The following SLC17A8 variants were observed in gnomAD, a reference collection of about 807,000 sequenced individuals.
SLC17A8 encodes the protein vesicular glutamate transporter 3.
SLC17A8 carries 31 observed loss-of-function variants against 58.0 expected under a neutral mutation model. The ratio of observed to expected loss-of-function variants is 0.53; its 90% CI spans 0.40 to 0.72. The LOEUF is 0.72. SLC17A8 is among the 30% of genes least tolerant of loss of function. The probability of loss-of-function intolerance (pLI) is 0.00; values close to 1 mark genes in which losing one functional copy is unlikely to be tolerated. For synonymous variants in SLC17A8, 228 were observed against 249.0 expected (o/e 0.92, Z 0.79); for missense variants, 655 against 727.8 (o/e 0.90, Z 1.15).
In SLC17A8 at chr12:100,421,645, A is replaced by G. The variant is rs886048797; in HGVS notation, c.*1486A>G. On this transcript the variant is annotated 3_prime_UTR_variant, in exon 12 of 12. Transcript: ENST00000323346. ...AAAATTATAGATTTACTTGTAGCTT[A>G]TTATTGTAAAGTGTTTTTTTTTTTT... The G allele has an allele frequency of 4.8e-5, 6 of 123,786 alleles. No homozygotes were observed. The highest frequency in any genetic ancestry group is 9.9e-5 in the Non-Finnish European group (6 of 60,794). 7.7% of individuals were successfully genotyped at this position (123,786 alleles called of 1,614,324 possible).
Position 100,390,992 on chromosome 12 carries a change from C to G in SLC17A8, c.355-9C>G. On this transcript the variant is annotated splice_polypyrimidine_tract_variant and intron_variant, in intron 2 of 11. Transcript: ENST00000323346. ...ACAAACACAACTATATCTGATTTCT[C>G]ATTTCCAGACAGCACAGTTTAACTG... 1.3e-6 allele frequency: 2 copies of G among 1,582,492 alleles called. No individual in the cohort carries two copies. Among genetic ancestry groups the G allele is most frequent in the Non-Finnish European group, 1.7e-6 (2 of 1,151,214 alleles).
chr12:100,382,133 A>G (rs956607904), intron 2 of SLC17A8, among the ~76,000 whole-genome samples: 3 of 152,232 alleles, frequency 2.0e-5, no homozygotes, highest in Non-Finnish European at 4.4e-5. Flanking sequence ...TGGGTAGAGC[A>G]CGTTGAGGTG....
At position 100,421,416 on chromosome 12, in the gene SLC17A8, A is replaced by G. The variant is rs568812881; in HGVS notation, c.*1257A>G. On this transcript the variant is annotated 3_prime_UTR_variant, in exon 12 of 12. Transcript: ENST00000323346. The stretch of plus-strand genomic sequence containing the variant: ...AGTAGTTATACAGAGAAATACTACA[A>G]TGAAAACATTTGGGGCAATTAGACC... The G allele has an allele frequency of 9.8e-5, 15 of 152,292 alleles. No homozygotes were observed. Among genetic ancestry groups the G allele is most frequent in the Non-Finnish European group, 2.1e-4 (14 of 68,004 alleles). The allele number at this position is 152,292 out of a possible 1,614,324, so 9.4% of individuals were successfully genotyped here. A position where few individuals can be genotyped will look rare whatever the true frequency, so the allele number is the denominator to read the frequency against.
chr12:100,357,657 G>A (rs1189833117), intron 1 of SLC17A8, among the ~76,000 whole-genome samples, 165 bp downstream of exon 1: 1 of 152,134 alleles, frequency 6.6e-6, no homozygotes, highest in Non-Finnish European at 1.5e-5. Flanking sequence ...ATGCCTGGAG[G>A]AAAAACAGAT....
intron 5 of SLC17A8, among the ~76,000 whole-genome samples, chr12:100,399,299 T>G (rs1472028816): frequency 6.6e-6 from 1 of 152,112 alleles, no homozygotes; most frequent in Non-Finnish European, 1.5e-5. Context: ...CAGTAAGGGC[T>G]GAGTGCCCTG....
chr12:100,363,065 G>C (rs1177500760), intron 1 of SLC17A8, among the ~76,000 whole-genome samples: 1 of 152,146 alleles, frequency 6.6e-6, no homozygotes, highest in Non-Finnish European at 1.5e-5. Flanking sequence ...TAGGATCCAT[G>C]ACCCTTATCA....
At chr12:100,394,838 A>T (rs1186415303) in intron 4 of SLC17A8, among the ~76,000 whole-genome samples, 1 of 147,518 alleles carries the variant, frequency 6.8e-6, no homozygotes, top group Non-Finnish European at 1.5e-5. Context: ...TATATATATA[A>T]TATATATAGT....
rs11568526 is a variant in SLC17A8 at position 100,393,598 on chromosome 12, T to G, written c.588+115T>G. ...TCAGTTTTTTTCTATATTTTCTTCC[T>G]TTTCCTGCTGTTTCCATTCTCTGGT... is the stretch of plus-strand genomic sequence containing the variant. On this transcript the variant is annotated intron_variant, in intron 4 of 11. Transcript: ENST00000323346. 67 of 765,116 alleles carry G rather than the reference T, an allele frequency of 8.8e-5. No individual in the cohort carries two copies. The African/African-American group carries it at 1.1e-3, about 12-fold the overall frequency. 47.4% of individuals were successfully genotyped at this position (765,116 alleles called of 1,614,324 possible). A position where few individuals can be genotyped will look rare whatever the true frequency, so the allele number is the denominator to read the frequency against.
intron 9 of SLC17A8, among the ~76,000 whole-genome samples, chr12:100,409,169 GT>G (rs1952848098): frequency 6.6e-6 from 1 of 151,610 alleles, no homozygotes. Flanking sequence ...ATGTATGTAT[GT>G]ATGTATGTAT....
Position 100,390,920 on chromosome 12 carries a change from T to G in SLC17A8, c.355-81T>G, listed in dbSNP as rs879272127. 8 of 901,294 alleles carry G rather than the reference T, an allele frequency of 8.9e-6. No individual in the cohort carries two copies. The Admixed American group carries it at 1.0e-4, about 11-fold the overall frequency. 55.8% of individuals were successfully genotyped at this position (901,294 alleles called of 1,614,324 possible). A position where few individuals can be genotyped will look rare whatever the true frequency, so the allele number is the denominator to read the frequency against. On this transcript the variant is annotated intron_variant, in intron 2 of 11. Coordinates refer to ENST00000323346, the MANE Select transcript of SLC17A8 (RefSeq NM_139319.3). Reference sequence around the variant, plus strand: ...AAAAAAGAAAGACCTCATGAGGTAATTATTGTGTAGGCTCATTGGTAAAAA... The same window carrying G: ...AAAAAAGAAAGACCTCATGAGGTAAGTATTGTGTAGGCTCATTGGTAAAAA...
intron 2 of SLC17A8, among the ~76,000 whole-genome samples, chr12:100,387,798 G>T (rs1482103492): frequency 1.3e-5 from 2 of 152,186 alleles, no homozygotes. Context: ...TATGACCTTG[G>T]ACAAGTAAAC....
rs776055840 is a variant in SLC17A8, at chr12:100,418,042, C to A, written c.1311C>A (p.Asn437Lys). The change falls in exon 11 of 12, where the codon AAC becomes AAA. Residue 437 changes from asparagine (N) to lysine (K), a missense_variant. By Grantham distance (94) the Asn-to-Lys change is moderately conservative. Coordinates refer to ENST00000323346, the MANE Select transcript of SLC17A8 (RefSeq NM_139319.3). The stretch of plus-strand genomic sequence containing the variant: ...GCTTCACTGTAGGTTTTAATGTCAA[C>A]CACCTGGACATTGCCCCACGCTATG... ...SGFAISGFNV[N>K]HLDIAPRYAS... is the part of the protein sequence containing the mutation. 6.2e-7 allele frequency: 1 copy of A among 1,614,214 alleles called. No individual in the cohort carries two copies. The highest frequency in any genetic ancestry group is 1.7e-5 in the Admixed American group (1 of 60,022).
intron 5 of SLC17A8, among the ~76,000 whole-genome samples, chr12:100,396,789 T>A (rs78906285): frequency 0.014 from 2,195 of 152,124 alleles, 59 homozygotes; most frequent in African/African-American, 0.049. Flanking sequence ...CTTTTTTGGC[T>A]TCAAGCAACT....
In SLC17A8 at chr12:100,420,188, T is replaced by C. The variant is rs1217637148; in HGVS notation, c.*29T>C. 1.3e-6 allele frequency: 2 copies of C among 1,573,088 alleles called. No homozygotes were observed. Among genetic ancestry groups the C allele is most frequent in the African/African-American group, 2.7e-5 (2 of 73,686 alleles). On this transcript the variant is annotated 3_prime_UTR_variant, in exon 12 of 12. Coordinates refer to ENST00000323346, the MANE Select transcript of SLC17A8 (RefSeq NM_139319.3). The stretch of plus-strand genomic sequence containing the variant: ...CTGAGAGGCACTTCTGTCTTCTCCT[T>C]ACTTTAGAAACAGAAAGTATCCATA...
At chr12:100,364,403 C>T (rs1053393780) in intron 1 of SLC17A8, among the ~76,000 whole-genome samples, 1 of 152,190 alleles carries the variant, frequency 6.6e-6, no homozygotes, top group Non-Finnish European at 1.5e-5. Flanking sequence ...AGGAATTGTG[C>T]CATCTCAGGG....
chr12:100,375,087 TGTTGGTTCAGGTCTTCC>T (rs1952585897), intron 1 of SLC17A8, among the ~76,000 whole-genome samples: 1 of 150,964 alleles, frequency 6.6e-6, no homozygotes, highest in East Asian at 1.9e-4. Context: ...AGGGTGCTTG[TGTTGGTTCAGGTCTTCC>T]AAGAAAGCAG....
At chr12:100,377,597 T>A (rs1180351711) in intron 1 of SLC17A8, among the ~76,000 whole-genome samples, 133 of 138,176 alleles carry the variant, frequency 9.6e-4, no homozygotes, top group African/African-American at 3.6e-3. Flanking sequence ...TTTTTTTTTT[T>A]TTTTTTTTTT....
At chr12:100,380,027 C>A (rs189104393) in intron 1 of SLC17A8, among the ~76,000 whole-genome samples, 1 of 151,902 alleles carries the variant, frequency 6.6e-6, no homozygotes, top group Non-Finnish European at 1.5e-5. Flanking sequence ...GGAGAAACCC[C>A]GTCTCTACTG....
At chr12:100,407,947 A>T (rs1952838662) in intron 9 of SLC17A8, among the ~76,000 whole-genome samples, 1 of 152,158 alleles carries the variant, frequency 6.6e-6, no homozygotes, top group African/African-American at 2.4e-5. Context: ...TGAGTTATAT[A>T]TAGAAAATAA....
Sources: allele counts gnomAD v4.1 joint callset (sites outside exome capture counted in the v4.1 genomes callset), GRCh38; gene constraint gnomAD v4.1.1; transcripts MANE v1.5; gene names NCBI Gene and HGNC (gene_info 2026-07-23, HGNC 2026-07-21).